EIF1: variants seen among roughly 807,000 people sequenced by gnomAD.
EIF1 encodes the protein protein translation factor SUI1 homolog.
EIF1 carries 4 observed loss-of-function variants against 13.7 expected under a neutral mutation model. The observed-to-expected ratio is 0.29, with a 90% confidence interval of 0.14 to 0.67. EIF1 has a LOEUF of 0.67. Ranked by LOEUF, EIF1 falls within the 30% of genes least tolerant of loss-of-function variation. The pLI, the probability that EIF1 is intolerant of heterozygous loss-of-function variation, is 0.77. For synonymous variants in EIF1, 67 were observed against 50.7 expected (o/e 1.32, Z -1.37); for missense variants, 64 against 138.0 (o/e 0.46, Z 2.69).
chr17:41,689,330 C>T (rs1910295038), intron 1 of EIF1: 2 of 580,368 alleles, frequency 3.4e-6, no homozygotes, highest in South Asian at 2.1e-5. Context: ...CCTGGGCCTC[C>T]TCGGGCCACA....
Position 41,688,959 on chromosome 17 carries a change from C to A in EIF1, c.-80C>A, listed in dbSNP as rs28362599. On this transcript the variant is annotated 5_prime_UTR_variant, in exon 1 of 4. Transcript: ENST00000469257. ...CCCCCTCGCTTCCCGACGTTCCGTT[C>A]CCCCCTGCCCGCCTTCTCCCGCCAC... 5 of 1,467,706 alleles carry A rather than the reference C, an allele frequency of 3.4e-6. No homozygotes were observed. The highest frequency in any genetic ancestry group is 4.7e-6 in the Non-Finnish European group (5 of 1,055,712). The allele number at this position is 1,467,706 out of a possible 1,614,324, so 90.9% of individuals were successfully genotyped here.
chr17:41,691,957 A>C lies in EIF1; in HGVS notation c.*1131A>C. 1 of 152,184 alleles carries C rather than the reference A, an allele frequency of 6.6e-6. No individual in the cohort carries two copies. Among genetic ancestry groups the C allele is most frequent in the East Asian group, 1.9e-4 (1 of 5,194 alleles). The allele number at this position is 152,184 out of a possible 1,614,324, so 9.4% of individuals were successfully genotyped here. A position where few individuals can be genotyped will look rare whatever the true frequency, so the allele number is the denominator to read the frequency against. On this transcript the variant is annotated 3_prime_UTR_variant, in exon 4 of 4. Coordinates refer to ENST00000469257, the MANE Select transcript of EIF1 (RefSeq NM_005801.4). ...AGCTGGGATTACAGGCACCATGCCCAGCTAACTTTTGTATTTTTAGTAGAG... is the reference window on the plus strand; with the variant it reads ...AGCTGGGATTACAGGCACCATGCCCCGCTAACTTTTGTATTTTTAGTAGAG...
chr17:41,689,558 C>T (rs1025533655), intron 1 of EIF1: 15 of 507,954 alleles, frequency 3.0e-5, no homozygotes, highest in Non-Finnish European at 4.5e-5. Context: ...GATCGGCTTC[C>T]CAGGGAGGGC....
At position 41,690,994 on chromosome 17, in the gene EIF1, G is replaced by C. The variant is rs1910360551; in HGVS notation, c.*168G>C. The C allele has an allele frequency of 2.9e-6, 2 of 683,166 alleles. No individual in the cohort carries two copies. The highest frequency in any genetic ancestry group is 3.6e-5 in the African/African-American group (2 of 55,592). The allele number at this position is 683,166 out of a possible 1,614,324, so 42.3% of individuals were successfully genotyped here. On this transcript the variant is annotated 3_prime_UTR_variant, in exon 4 of 4. Coordinates refer to ENST00000469257, the MANE Select transcript of EIF1 (RefSeq NM_005801.4). Reference sequence around the variant, plus strand: ...ACTCCTTCATGCAATAAACTGAAAAGAGCCATGCTGTCTAGTCTTGAAGTC... The same window carrying C: ...ACTCCTTCATGCAATAAACTGAAAACAGCCATGCTGTCTAGTCTTGAAGTC...
At chr17:41,689,378 G>GT in intron 1 of EIF1, 1 of 537,546 alleles carries the variant, frequency 1.9e-6, no homozygotes, top group Non-Finnish European at 3.3e-6. Flanking sequence ...CGTCCGTTAC[G>GT]TCACCACCCG....
intron 3 of EIF1, chr17:41,690,513 C>T (rs920304717): frequency 5.4e-6 from 3 of 559,490 alleles, no homozygotes; most frequent in African/African-American, 3.8e-5. Context: ...AGTATTAATA[C>T]TAAAATACTG....
In EIF1 at chr17:41,689,089, GCGGGCCCGGGTGGGGCAGCGGGGCCTTC is replaced by G. The variant is rs1910285446; in HGVS notation, c.31+30_31+57del. On this transcript the variant is annotated intron_variant, in intron 1 of 3. Coordinates refer to ENST00000469257, the MANE Select transcript of EIF1 (RefSeq NM_005801.4). The stretch of plus-strand genomic sequence containing the variant: ...CTTTCGGTAAGCTATGGGAAAGGTC[GCGGGCCCGGGTGGGGCAGCGGGGCCTTC>G]CGGGCCCGGAGACGTGTTCCGGGAA... The G allele has an allele frequency of 6.2e-7, 1 of 1,613,268 alleles. No individual in the cohort carries two copies. The highest frequency in any genetic ancestry group is 1.3e-5 in the African/African-American group (1 of 74,928).
Position 41,688,936 on chromosome 17 carries a change from C to G in EIF1, c.-103C>G. 2 of 1,231,172 alleles carry G rather than the reference C, an allele frequency of 1.6e-6. No homozygotes were observed. Among genetic ancestry groups the G allele is most frequent in the Non-Finnish European group, 1.2e-6 (1 of 854,902 alleles). 76.3% of individuals were successfully genotyped at this position (1,231,172 alleles called of 1,614,324 possible). ...GATTCAGCAGCCTCCCCCTTGAGCC[C>G]CCTCGCTTCCCGACGTTCCGTTCCC... On this transcript the variant is annotated 5_prime_UTR_variant, in exon 1 of 4. Coordinates refer to ENST00000469257, the MANE Select transcript of EIF1 (RefSeq NM_005801.4).
At position 41,691,074 on chromosome 17, in the gene EIF1, C is replaced by T; in HGVS notation, c.*248C>T. 1.8e-6 allele frequency: 1 copy of T among 568,036 alleles called. No individual in the cohort carries two copies. Among genetic ancestry groups the T allele is most frequent in the East Asian group, 2.8e-5 (1 of 35,932 alleles). 35.2% of individuals were successfully genotyped at this position (568,036 alleles called of 1,614,324 possible). A position where few individuals can be genotyped will look rare whatever the true frequency, so the allele number is the denominator to read the frequency against. ...CGCCTGGCAGTGTCAAGCCTGAAAC[C>T]AAGCAATACCGTCATGTTTCAGCCA... On this transcript the variant is annotated 3_prime_UTR_variant, in exon 4 of 4. Coordinates refer to ENST00000469257, the MANE Select transcript of EIF1 (RefSeq NM_005801.4).
At chr17:41,689,203 G>A in intron 1 of EIF1, 134 bp downstream of exon 1, 2 of 1,074,650 alleles carry the variant, frequency 1.9e-6, no homozygotes, top group Non-Finnish European at 2.8e-6. Flanking sequence ...AGGGTCGCAG[G>A]GCAGCGGGAT....
rs1910409263 is a variant in EIF1 at position 41,692,379 on chromosome 17, T to C, written c.*1553T>C. 6.6e-6 allele frequency: 1 copy of C among 152,206 alleles called. No individual in the cohort carries two copies. Among genetic ancestry groups the C allele is most frequent in the Non-Finnish European group, 1.5e-5 (1 of 68,038 alleles). The allele number at this position is 152,206 out of a possible 1,614,324, so 9.4% of individuals were successfully genotyped here. On this transcript the variant is annotated 3_prime_UTR_variant, in exon 4 of 4. Transcript: ENST00000469257. ...GCTGAAGTTAAGTGTTGGGAGGCCA[T>C]CCCTTATGAAGGACAATGAATGGCA... is the stretch of plus-strand genomic sequence containing the variant.
Position 41,689,081 on chromosome 17 carries a change from G to A in EIF1, c.31+12G>A, listed in dbSNP as rs1397168277. On this transcript the variant is annotated intron_variant, in intron 1 of 3. Transcript: ENST00000469257. The stretch of plus-strand genomic sequence containing the variant: ...CCTCCACTCTTTCGGTAAGCTATGG[G>A]AAAGGTCGCGGGCCCGGGTGGGGCA... 1 of 1,613,634 alleles carries A rather than the reference G, an allele frequency of 6.2e-7. No homozygotes were observed. The highest frequency in any genetic ancestry group is 1.1e-5 in the South Asian group (1 of 91,078).
chr17:41,689,141 A>G lies in EIF1; in HGVS notation c.31+72A>G, dbSNP rs374966746. 400 of 1,547,210 alleles carry G rather than the reference A, an allele frequency of 2.6e-4. 2 individuals are homozygous for G. The African/African-American group carries it at 5.0e-3, about 19-fold the overall frequency. On this transcript the variant is annotated intron_variant, in intron 1 of 3. Transcript: ENST00000469257. The stretch of plus-strand genomic sequence containing the variant: ...TCCGGGCCCGGAGACGTGTTCCGGG[A>G]AGTTGCCAAGCGCTCCGGGCCTTCG...
rs3353 is a variant in EIF1, at chr17:41,692,551, T to G, written c.*1725T>G. 6 of 36,796 alleles carry G rather than the reference T, an allele frequency of 1.6e-4. No individual in the cohort carries two copies. The highest frequency in any genetic ancestry group is 4.0e-4 in the African/African-American group (6 of 15,178). 2.3% of individuals were successfully genotyped at this position (36,796 alleles called of 1,614,324 possible). On this transcript the variant is annotated 3_prime_UTR_variant, in exon 4 of 4. Transcript: ENST00000469257. ...TCACAGCCGTGCTACACAATAAGAT[T>G]ATAATACTGTATTTTTACTGTACCT...
chr17:41,690,643 G>C (rs981951158), intron 3 of EIF1, 139 bp from the exon 4 acceptor site: 2 of 824,770 alleles, frequency 2.4e-6, no homozygotes, highest in African/African-American at 3.4e-5. Context: ...TCTTAACTGA[G>C]GACCCTCTGT....
At position 41,691,932 on chromosome 17, in the gene EIF1, A is replaced by T. The variant is rs1236054127; in HGVS notation, c.*1106A>T. On this transcript the variant is annotated 3_prime_UTR_variant, in exon 4 of 4. Transcript: ENST00000469257. ...ATTGTCGTGCCTCAGCCTCCCTAGT[A>T]GCTGGGATTACAGGCACCATGCCCA... 1 of 152,234 alleles carries T rather than the reference A, an allele frequency of 6.6e-6. No individual in the cohort carries two copies. Among genetic ancestry groups the T allele is most frequent in the African/African-American group, 2.4e-5 (1 of 41,454 alleles). The allele number at this position is 152,234 out of a possible 1,614,324, so 9.4% of individuals were successfully genotyped here.
intron 1 of EIF1, chr17:41,689,379 TCAC>T: frequency 3.7e-6 from 2 of 535,846 alleles, no homozygotes. Context: ...GTCCGTTACG[TCAC>T]CACCCGTTGT....
At chr17:41,689,347 C>CCTCCCGTCA in intron 1 of EIF1, 2 of 565,410 alleles carry the variant, frequency 3.5e-6, no homozygotes, top group Non-Finnish European at 6.3e-6. Context: ...CACACCCGCC[C>CCTCCCGTCA]CTCCCGTCAC....
rs1412584339 is a variant in EIF1 at position 41,692,051 on chromosome 17, C to G, written c.*1225C>G. 6.6e-6 allele frequency: 1 copy of G among 152,378 alleles called. No individual in the cohort carries two copies. Among genetic ancestry groups the G allele is most frequent in the African/African-American group, 2.4e-5 (1 of 41,464 alleles). 9.4% of individuals were successfully genotyped at this position (152,378 alleles called of 1,614,324 possible). A position where few individuals can be genotyped will look rare whatever the true frequency, so the allele number is the denominator to read the frequency against. On this transcript the variant is annotated 3_prime_UTR_variant, in exon 4 of 4. Transcript: ENST00000469257. ...CCTCAAGTGATCTGCCTGTCTTGGCCTCCCAAAGTGCTGGGATTACAGGCA... is the reference window on the plus strand; with the variant it reads ...CCTCAAGTGATCTGCCTGTCTTGGCGTCCCAAAGTGCTGGGATTACAGGCA...
Sources: allele counts gnomAD v4.1 joint callset, GRCh38; gene constraint gnomAD v4.1.1; transcripts MANE v1.5; gene names NCBI Gene and HGNC (gene_info 2026-07-23, HGNC 2026-07-21).